BANP: variants seen among roughly 807,000 people sequenced by gnomAD.
The protein encoded by BANP is BTG3 associated nuclear protein.
In BANP, 11 loss-of-function variants were observed where a neutral mutation model predicts 68.1. The ratio of observed to expected loss-of-function variants is 0.16; its 90% CI spans 0.10 to 0.27. BANP has a LOEUF of 0.27. Among genes scored for constraint, BANP ranks in the 10% least tolerant of loss-of-function variants. The pLI is 1.00. For missense variants in BANP, 504 were observed against 722.7 expected (o/e 0.70, Z 3.47); for synonymous variants, 329 against 303.2 (o/e 1.09, Z -0.88).
chr16:87,975,592 C>T (rs1426831065), intron 2 of BANP, among the ~76,000 whole-genome samples: 1 of 137,870 alleles, frequency 7.3e-6, no homozygotes. Flanking sequence ...GTCATGGAAC[C>T]TTACCATGTT....
intron 1 of BANP, among the ~76,000 whole-genome samples, chr16:87,960,464 A>G (rs1597746176): frequency 6.6e-6 from 1 of 152,104 alleles, no homozygotes. Flanking sequence ...TGTTATTTTT[A>G]TCCTAAAGAC....
intron 2 of BANP, among the ~76,000 whole-genome samples, chr16:87,976,686 G>A (rs576076924): frequency 1.3e-5 from 2 of 152,214 alleles, no homozygotes; most frequent in East Asian, 3.9e-4. Context: ...CATATGATCT[G>A]TTTGCTTTGT....
chr16:87,986,984 C>T (rs1241871099), intron 4 of BANP, among the ~76,000 whole-genome samples: 2 of 152,218 alleles, frequency 1.3e-5, no homozygotes, highest in South Asian at 2.1e-4. Context: ...ATAGAAGAAT[C>T]GTTCTGCTAT....
At chr16:87,960,412 T>A (rs2058924714) in intron 1 of BANP, among the ~76,000 whole-genome samples, 1 of 152,142 alleles carries the variant, frequency 6.6e-6, no homozygotes, top group South Asian at 2.1e-4. Flanking sequence ...AGGCAAGGAT[T>A]TGGTGGTAGC....
intron 11 of BANP, among the ~76,000 whole-genome samples, chr16:88,048,475 C>T (rs2082502255): frequency 1.3e-5 from 2 of 151,978 alleles, no homozygotes; most frequent in Non-Finnish European, 2.9e-5. Context: ...GACATCGATT[C>T]TAACAGTATT....
At position 88,071,897 on chromosome 16, in the gene BANP, G is replaced by A. The variant is rs1284691526; in HGVS notation, c.1378-172G>A. ...ACTGGATCTGATGCGACTTGAGAGC[G>A]ATGGGGAGACAGGATGTGCCGCAGA... On this transcript the variant is annotated intron_variant, in intron 12 of 13. Transcript: ENST00000682872. The surrounding 1 kb of genome is among the most constrained non-coding windows in gnomAD (Gnocchi z 6.5). The A allele has an allele frequency of 7.1e-6, 6 of 839,666 alleles. No homozygotes were observed. Among genetic ancestry groups the A allele is most frequent in the South Asian group, 1.4e-5 (1 of 69,266 alleles). 52.0% of individuals were successfully genotyped at this position (839,666 alleles called of 1,614,324 possible).
chr16:88,073,971 C>T lies in BANP; in HGVS notation c.1521+1759C>T, dbSNP rs567061570. On this transcript the variant is annotated intron_variant, in intron 13 of 13. Transcript: ENST00000682872. Reference sequence around the variant, plus strand: ...CGTGCTTAAGGGGCCGCTTTCCCTGCAGAAAACCCCAGCGTGGTTGGACTT... The same window carrying T: ...CGTGCTTAAGGGGCCGCTTTCCCTGTAGAAAACCCCAGCGTGGTTGGACTT... Among the ~76,000 whole-genome samples, 8 of 152,366 alleles carry T rather than the reference C, an allele frequency of 5.3e-5. No homozygotes were observed. In the South Asian group the frequency reaches 1.7e-3, roughly 32 times the overall value.
At position 88,029,892 on chromosome 16, in the gene BANP, C is replaced by T. The variant is rs150838687; in HGVS notation, c.1063+2242C>T. 1.3e-4 allele frequency among the ~76,000 whole-genome samples: 20 copies of T among 152,280 alleles called. No homozygotes were observed. The East Asian group carries it at 3.9e-3, about 29-fold the overall frequency. ...CAGCAGAAAGTTGTGGAATCAAGTTCCTAAGAGCAGAGGGTTACACGGGGG... is the reference window on the plus strand; with the variant it reads ...CAGCAGAAAGTTGTGGAATCAAGTTTCTAAGAGCAGAGGGTTACACGGGGG... On this transcript the variant is annotated intron_variant, in intron 8 of 13. Coordinates refer to ENST00000682872, the MANE Select transcript of BANP (RefSeq NM_001386991.1).
intron 13 of BANP, among the ~76,000 whole-genome samples, chr16:88,073,322 G>C (rs146880436): frequency 3.3e-5 from 5 of 152,202 alleles, no homozygotes; most frequent in Admixed American, 3.3e-4. Flanking sequence ...AAGGACCCGT[G>C]TCCTGTAGAA....
At chr16:88,031,043 G>A (rs1437046435) in intron 8 of BANP, among the ~76,000 whole-genome samples, 2 of 152,262 alleles carry the variant, frequency 1.3e-5, no homozygotes, top group Non-Finnish European at 2.9e-5. Context: ...CTTCAGCCCA[G>A]CTGGGATTTT....
intron 9 of BANP, 135 bp downstream of exon 9, chr16:88,033,380 A>T (rs2078625460): frequency 6.3e-6 from 6 of 953,376 alleles, no homozygotes; most frequent in African/African-American, 1.7e-5. Flanking sequence ...CAAGGTCCCC[A>T]TTTAAAGTAG....
chr16:87,953,664 A>G (rs2057448163), intron 1 of BANP, among the ~76,000 whole-genome samples: 1 of 152,084 alleles, frequency 6.6e-6, no homozygotes, highest in African/African-American at 2.4e-5. Flanking sequence ...CTTCCTGTAC[A>G]GCGTGGATTT....
chr16:88,024,056 G>A (rs1318909226), intron 7 of BANP, among the ~76,000 whole-genome samples: 1 of 152,240 alleles, frequency 6.6e-6, no homozygotes, highest in Admixed American at 6.5e-5. Context: ...TGTCCTGGGC[G>A]CTGCTGCAGG....
chr16:88,006,543 G>A (rs1221382458), intron 6 of BANP, among the ~76,000 whole-genome samples: 17 of 151,850 alleles, frequency 1.1e-4, no homozygotes, highest in Admixed American at 7.9e-4. Flanking sequence ...CTACTCGGGA[G>A]GCTGAGGCAG....
At chr16:88,006,055 C>A (rs373928466) in intron 5 of BANP, 35 bp from the exon 6 acceptor site, 17 of 1,612,816 alleles carry the variant, frequency 1.1e-5, no homozygotes, top group African/African-American at 1.3e-5. Context: ...GCGGCTCTTA[C>A]CACATCGGGC....
At chr16:88,020,954 G>A (rs1207382187) in intron 7 of BANP, among the ~76,000 whole-genome samples, 1 of 152,230 alleles carries the variant, frequency 6.6e-6, no homozygotes, top group Non-Finnish European at 1.5e-5. Flanking sequence ...TATTCAGGGA[G>A]TCCATGTAGG....
At chr16:87,988,901 G>A (rs533747763) in intron 4 of BANP, among the ~76,000 whole-genome samples, 9 of 152,318 alleles carry the variant, frequency 5.9e-5, no homozygotes, top group African/African-American at 2.2e-4. Flanking sequence ...CCCCCTCTCT[G>A]TGTGTTGAAA....
intron 1 of BANP, among the ~76,000 whole-genome samples, chr16:87,954,589 C>G (rs868220357): frequency 2.6e-5 from 4 of 152,208 alleles, no homozygotes; most frequent in African/African-American, 7.2e-5. Flanking sequence ...CTGGGCTGTT[C>G]CGCTTCTTTA....
chr16:88,067,765 G>A (rs768401144), intron 12 of BANP, among the ~76,000 whole-genome samples: 1 of 151,934 alleles, frequency 6.6e-6, no homozygotes, highest in African/African-American at 2.4e-5. Flanking sequence ...CACTGACCTC[G>A]CCCTGCTCCA....
Sources: allele counts gnomAD v4.1 joint callset (sites outside exome capture counted in the v4.1 genomes callset), GRCh38; gene constraint gnomAD v4.1.1; non-coding constraint Gnocchi (gnomAD v3.1); transcripts MANE v1.5; gene names NCBI Gene and HGNC (gene_info 2026-07-23, HGNC 2026-07-21).